SASS6: variants seen among roughly 807,000 people sequenced by gnomAD.
SASS6 encodes SAS-6 centriolar assembly protein.
Under a neutral mutation model 94.9 loss-of-function variants are expected in SASS6, and 59 were observed. The ratio of observed to expected loss-of-function variants is 0.62; its 90% CI spans 0.50 to 0.77. The LOEUF (loss-of-function observed/expected upper bound fraction) is 0.77, where lower values mean the gene tolerates loss of function less well. SASS6 is among the 30% of genes least tolerant of loss of function. The pLI is 0.00. For synonymous variants in SASS6, 264 were observed against 270.0 expected, an observed-to-expected ratio of 0.98 and a Z score of 0.22; for missense variants, 698 against 734.1, an observed-to-expected ratio of 0.95 and a Z score of 0.57.
chr1:100,103,884 C>T (rs10875280), intron 13 of SASS6, among the ~76,000 whole-genome samples: 8,862 of 152,128 alleles, frequency 0.058, 308 homozygotes, highest in African/African-American at 0.1. Context: ...CCAAGGACCA[C>T]CAGGAACCCA....
intron 7 of SASS6, among the ~76,000 whole-genome samples, chr1:100,116,149 T>A (rs972740704): frequency 1.3e-5 from 2 of 152,200 alleles, no homozygotes; most frequent in African/African-American, 4.8e-5. Context: ...GAGAAATGTT[T>A]ATAATGTACA....
intron 14 of SASS6, among the ~76,000 whole-genome samples, chr1:100,102,152 G>A (rs966646417): frequency 4.6e-5 from 7 of 152,002 alleles, no homozygotes; most frequent in African/African-American, 1.7e-4. Context: ...AAAAGAAGTA[G>A]GTAGAAGAAA....
intron 1 of SASS6, among the ~76,000 whole-genome samples, chr1:100,130,799 C>T (rs766675528): frequency 6.6e-6 from 1 of 152,032 alleles, no homozygotes; most frequent in Non-Finnish European, 1.5e-5. Context: ...ATATTTTAGG[C>T]TTTGCGGGCC....
intron 7 of SASS6, among the ~76,000 whole-genome samples, chr1:100,118,496 G>C (rs1049829437): frequency 1.3e-5 from 2 of 152,264 alleles, no homozygotes; most frequent in African/African-American, 4.8e-5. Flanking sequence ...TAGAAACTAA[G>C]AGTGCTTCTT....
intron 1 of SASS6, among the ~76,000 whole-genome samples, chr1:100,130,035 T>C (rs1654883931): frequency 6.6e-6 from 1 of 152,214 alleles, no homozygotes; most frequent in Non-Finnish European, 1.5e-5. Context: ...ATTCTCATAA[T>C]ACCATGAAGT....
chr1:100,110,278 A>C lies in SASS6; in HGVS notation c.861+14T>G, dbSNP rs1337898386. 6 of 1,485,324 alleles carry C rather than the reference A, an allele frequency of 4.0e-6. No homozygotes were observed. Among genetic ancestry groups the C allele is most frequent in the Middle Eastern group, 3.9e-4 (2 of 5,160 alleles). The allele number at this position is 1,485,324 out of a possible 1,614,324, so 92.0% of individuals were successfully genotyped here. A position where few individuals can be genotyped will look rare whatever the true frequency, so the allele number is the denominator to read the frequency against. On this transcript the variant is annotated intron_variant, in intron 8 of 16. Coordinates refer to ENST00000287482, the MANE Select transcript of SASS6 (RefSeq NM_194292.3). ...CTCTTAAATTGGGGGAGGAAAAAAAACAACATTCAATACCTCTTCAACACC... is the reference window on the plus strand; with the variant it reads ...CTCTTAAATTGGGGGAGGAAAAAAACCAACATTCAATACCTCTTCAACACC...
chr1:100,104,610 C>G (rs1268139035), intron 13 of SASS6, among the ~76,000 whole-genome samples: 1 of 151,980 alleles, frequency 6.6e-6, no homozygotes, highest in East Asian at 1.9e-4. Flanking sequence ...TAGGCATGCA[C>G]CATTGCACCC....
intron 8 of SASS6, among the ~76,000 whole-genome samples, chr1:100,109,324 C>G (rs1653134304): frequency 6.6e-6 from 1 of 152,004 alleles, no homozygotes; most frequent in Admixed American, 6.6e-5. Flanking sequence ...GTCTTGTGAG[C>G]TAGAATAACA....
chr1:100,097,025 G>T (rs1021877059), intron 14 of SASS6, among the ~76,000 whole-genome samples: 7 of 152,124 alleles, frequency 4.6e-5, no homozygotes, highest in African/African-American at 1.7e-4. Context: ...TGAGGCATGA[G>T]AATTGCTTGA....
At chr1:100,090,141 A>G (rs1651574245) in intron 14 of SASS6, among the ~76,000 whole-genome samples, 1 of 152,130 alleles carries the variant, frequency 6.6e-6, no homozygotes, top group African/African-American at 2.4e-5. Context: ...GCACAAAACT[A>G]ACTGGAAAGA....
chr1:100,094,058 G>T, intron 14 of SASS6, among the ~76,000 whole-genome samples: 1 of 152,004 alleles, frequency 6.6e-6, no homozygotes, highest in East Asian at 1.9e-4. Flanking sequence ...CATGAAACTG[G>T]TAACTCTTAC....
chr1:100,132,710 C>T (rs1343288377), intron 1 of SASS6, 40 bp downstream of exon 1: 7 of 1,569,494 alleles, frequency 4.5e-6, no homozygotes, highest in Non-Finnish European at 6.1e-6. Flanking sequence ...TGGCCTGACC[C>T]CAACCGCCAC....
intron 11 of SASS6, 103 bp from the exon 12 acceptor site, chr1:100,107,096 CTACT>C (rs1652964065): frequency 8.1e-6 from 5 of 620,086 alleles, no homozygotes; most frequent in South Asian, 6.4e-5. Flanking sequence ...ATGGTTACTA[CTACT>C]ATTATTAAAT....
intron 7 of SASS6, among the ~76,000 whole-genome samples, chr1:100,117,151 G>A (rs548470093): frequency 5.9e-5 from 9 of 151,848 alleles, no homozygotes; most frequent in South Asian, 2.1e-4. Flanking sequence ...AAATTTAGCC[G>A]GGCATGGTGG....
chr1:100,091,630 T>TA lies in SASS6; in HGVS notation c.1675-3395dup, dbSNP rs57639570. ...TCAAATGAATGTAAAAAAGTCTCAT[T>TA]AAAAAAAAAAAAAAAAAAGGAAAGA... On this transcript the variant is annotated intron_variant, in intron 14 of 16. Coordinates refer to ENST00000287482, the MANE Select transcript of SASS6 (RefSeq NM_194292.3). Among the ~76,000 whole-genome samples, 488 of 83,018 alleles carry TA rather than the reference T, an allele frequency of 5.9e-3. 5 individuals are homozygous for TA. Among genetic ancestry groups the TA allele is most frequent in the African/African-American group, 0.017 (369 of 21,466 alleles). 54.5% of individuals were successfully genotyped at this position (83,018 alleles called of 152,430 possible).
chr1:100,113,346 C>T (rs1248395061), intron 7 of SASS6, among the ~76,000 whole-genome samples: 2 of 152,014 alleles, frequency 1.3e-5, no homozygotes, highest in East Asian at 1.9e-4. Flanking sequence ...CGGTGGCTCA[C>T]GCCTGTAATC....
chr1:100,125,138 A>C (rs545318677), intron 2 of SASS6, among the ~76,000 whole-genome samples: 2 of 152,200 alleles, frequency 1.3e-5, no homozygotes, highest in South Asian at 4.1e-4. Context: ...AACGTAAAGT[A>C]AAAGATTCAC....
rs2101664155 is a variant in SASS6 at position 100,107,934 on chromosome 1, T to C, written c.932A>G (p.His311Arg). The C allele has an allele frequency of 6.2e-7, 1 of 1,612,928 alleles. No individual in the cohort carries two copies. ...RENSTLDVEC[H>R]EKEKHVNQLQ... Reference sequence around the variant, plus strand: ...CTGATTAACGTGCTTTTCTTTCTCGTGGCATTCAACATCTAGTGTAGAATT... The same window carrying C: ...CTGATTAACGTGCTTTTCTTTCTCGCGGCATTCAACATCTAGTGTAGAATT... The change falls in exon 9 of 17, where the codon CAC (histidine) becomes CGC (arginine). Residue 311 changes from histidine (H) to arginine (R), a missense_variant. Coordinates refer to ENST00000287482, the MANE Select transcript of SASS6 (RefSeq NM_194292.3).
intron 14 of SASS6, among the ~76,000 whole-genome samples, chr1:100,102,354 T>G (rs912771057): frequency 1.3e-5 from 2 of 151,636 alleles, no homozygotes; most frequent in African/African-American, 2.4e-5. Flanking sequence ...CCTGAGAGCG[T>G]AGGAGACACA....
Sources: allele counts gnomAD v4.1 joint callset (sites outside exome capture counted in the v4.1 genomes callset), GRCh38; gene constraint gnomAD v4.1.1; transcripts MANE v1.5; gene names NCBI Gene and HGNC (gene_info 2026-07-23, HGNC 2026-07-21).